NDRG3: variants seen among roughly 807,000 people sequenced by gnomAD.
NDRG3 encodes protein NDRG3.
A neutral mutation model predicts 57.2 loss-of-function variants in NDRG3; 23 were observed. The observed-to-expected ratio is 0.40, with a 90% confidence interval of 0.29 to 0.57. The LOEUF is 0.57. NDRG3 is among the 20% of genes least tolerant of loss of function. The pLI is 0.42. For missense variants in NDRG3, 384 were observed against 457.3 expected (o/e 0.84, Z 1.46); for synonymous variants, 132 against 162.6 (o/e 0.81, Z 1.43).
At chr20:36,695,923 G>A (rs908457786) in intron 3 of NDRG3, among the ~76,000 whole-genome samples, 36 of 152,038 alleles carry the variant, frequency 2.4e-4, no homozygotes, top group Non-Finnish European at 4.4e-5. Flanking sequence ...TACGGCTCAG[G>A]GGGCATCATG....
rs1175690733 is a variant in NDRG3 at position 36,746,051 on chromosome 20, C to T, written c.-55G>A. ...GGCGGAGGCGCTCACTCACCTGAGG[C>T]GCGGGCACCCGCCGTCAGTGCAGCA... On this transcript the variant is annotated 5_prime_UTR_variant, in exon 1 of 16. Coordinates refer to ENST00000349004, the MANE Select transcript of NDRG3 (RefSeq NM_032013.4). The T allele has an allele frequency of 1.5e-4, 51 of 340,958 alleles. No individual in the cohort carries two copies. In the East Asian group the frequency reaches 2.2e-3, roughly 15 times the overall value. The allele number at this position is 340,958 out of a possible 1,614,324, so 21.1% of individuals were successfully genotyped here.
At chr20:36,702,497 T>G (rs1289079207) in intron 3 of NDRG3, among the ~76,000 whole-genome samples, 1 of 152,082 alleles carries the variant, frequency 6.6e-6, no homozygotes, top group African/African-American at 2.4e-5. Context: ...GTATGAGGCC[T>G]GGGTATAGTT....
chr20:36,716,274 T>C (rs1397531421), intron 2 of NDRG3, among the ~76,000 whole-genome samples: 1 of 152,084 alleles, frequency 6.6e-6, no homozygotes, highest in Non-Finnish European at 1.5e-5. Context: ...GGCTCATGCC[T>C]GTAATCCCAG....
In NDRG3 at chr20:36,666,331, A is replaced by T; in HGVS notation, c.650T>A (p.Ile217Asn). 1 of 1,614,152 alleles carries T rather than the reference A, an allele frequency of 6.2e-7. No individual in the cohort carries two copies. Among genetic ancestry groups the T allele is most frequent in the South Asian group, 1.1e-5 (1 of 91,090 alleles). ...QTYRMHIAQDINQDNLQLFLN... is the reference protein window; with the variant it reads ...QTYRMHIAQDNNQDNLQLFLN... ...GAAGAGCTGCAGGTTGTCTTGGTTG[A>T]TGTCTTGGGCAATATGCATTCTGTA... Residue 217 changes from isoleucine to asparagine, a missense_variant, in exon 10 of 16, where the codon ATC (isoleucine) becomes AAC (asparagine). Ile to Asn is a moderately radical substitution (Grantham distance 149). Transcript: ENST00000349004.
In NDRG3 at chr20:36,687,702, C is replaced by T. The variant is rs548035774; in HGVS notation, c.200-90G>A. ...GTCAATGCCTATTATCACCTTCTTTCCCTGCTTTTTAACCACCATTCCACC... is the reference window on the plus strand; with the variant it reads ...GTCAATGCCTATTATCACCTTCTTTTCCTGCTTTTTAACCACCATTCCACC... On this transcript the variant is annotated intron_variant, in intron 4 of 15. Transcript: ENST00000349004. 21 of 1,439,290 alleles carry T rather than the reference C, an allele frequency of 1.5e-5. No homozygotes were observed. In the African/African-American group the frequency reaches 2.8e-4, roughly 19 times the overall value. 89.2% of individuals were successfully genotyped at this position (1,439,290 alleles called of 1,614,324 possible).
chr20:36,687,633 A>T, intron 4 of NDRG3, 21 bp from the exon 5 acceptor site: 1 of 1,609,586 alleles, frequency 6.2e-7, no homozygotes, highest in Non-Finnish European at 8.5e-7. Context: ...AAAAATACCC[A>T]TAAGTCACAG....
At chr20:36,660,577 T>C (rs2148029205) in intron 12 of NDRG3, among the ~76,000 whole-genome samples, 193 bp from the exon 13 acceptor site, 1 of 151,674 alleles carries the variant, frequency 6.6e-6, no homozygotes, top group East Asian at 1.9e-4. Context: ...TATTTTTTTT[T>C]TGAGACGGAG....
chr20:36,688,119 G>A (rs1198084727), intron 4 of NDRG3, among the ~76,000 whole-genome samples: 1 of 152,212 alleles, frequency 6.6e-6, no homozygotes, highest in Admixed American at 6.5e-5. Context: ...CTCATGCCAA[G>A]GCAGCTACAA....
chr20:36,695,915 C>T (rs753022714), intron 3 of NDRG3, among the ~76,000 whole-genome samples: 119 of 152,282 alleles, frequency 7.8e-4, no homozygotes, highest in African/African-American at 2.6e-3. Context: ...GCTGGTTTTA[C>T]GGCTCAGGGG....
At chr20:36,715,495 C>T (rs1157400325) in intron 2 of NDRG3, among the ~76,000 whole-genome samples, 1 of 151,146 alleles carries the variant, frequency 6.6e-6, no homozygotes, top group Non-Finnish European at 1.5e-5. Context: ...CTTCTTTTCT[C>T]TCTCTCCCCC....
In NDRG3 at chr20:36,671,407, T is replaced by TA. The variant is rs765093923; in HGVS notation, c.532-11dup. Reference sequence around the variant, plus strand: ...TTGTCAGGCCAGAGAGCTGAAAAGATAAAAACTCTGTGTTAAGAATGTAAG... The same window carrying TA: ...TTGTCAGGCCAGAGAGCTGAAAAGATAAAAAACTCTGTGTTAAGAATGTAAG... On this transcript the variant is annotated splice_polypyrimidine_tract_variant and intron_variant, in intron 8 of 15. Coordinates refer to ENST00000349004, the MANE Select transcript of NDRG3 (RefSeq NM_032013.4). 2.1e-5 allele frequency: 34 copies of TA among 1,612,368 alleles called. No individual in the cohort carries two copies. The East Asian group carries it at 6.7e-4, about 32-fold the overall frequency.
intron 1 of NDRG3, among the ~76,000 whole-genome samples, chr20:36,732,148 T>C (rs1318151599): frequency 2.0e-5 from 3 of 151,978 alleles, no homozygotes; most frequent in South Asian, 4.2e-4. Flanking sequence ...AATAGAAATA[T>C]AGAATCTAAC....
At position 36,682,500 on chromosome 20, in the gene NDRG3, A is replaced by T; in HGVS notation, c.444+18T>A. 2 of 1,604,850 alleles carry T rather than the reference A, an allele frequency of 1.2e-6. No individual in the cohort carries two copies. The highest frequency in any genetic ancestry group is 1.7e-6 in the Non-Finnish European group (2 of 1,171,862). On this transcript the variant is annotated intron_variant, in intron 7 of 15. Coordinates refer to ENST00000349004, the MANE Select transcript of NDRG3 (RefSeq NM_032013.4). ...GCACTGCCTCAAGGATGTTGAGGCT[A>T]ATCCTCTACATACTTACTGCAAATC...
chr20:36,739,423 G>A (rs1428963209), intron 1 of NDRG3, among the ~76,000 whole-genome samples: 2 of 150,622 alleles, frequency 1.3e-5, no homozygotes, highest in Non-Finnish European at 3.0e-5. Context: ...CTCCAGCTTG[G>A]GCAACGGAGT....
At chr20:36,660,624 G>A (rs980814474) in intron 12 of NDRG3, among the ~76,000 whole-genome samples, 4 of 151,168 alleles carry the variant, frequency 2.6e-5, no homozygotes, top group Non-Finnish European at 2.9e-5. Context: ...GCAGTGGCGC[G>A]ATCTCGGCTC....
intron 2 of NDRG3, among the ~76,000 whole-genome samples, chr20:36,712,242 T>C (rs753187975): frequency 6.6e-6 from 1 of 151,856 alleles, no homozygotes; most frequent in African/African-American, 2.4e-5. Context: ...ATGGGGATCA[T>C]TAGCTGGTCC....
chr20:36,652,066 A>G lies in NDRG3; in HGVS notation c.*1454T>C, dbSNP rs529253110. ...AAAACAACTTTACCTGGACAGGGCT[A>G]CCCCTACAGATTGGCCCTTTCTCTC... is the stretch of plus-strand genomic sequence containing the variant. On this transcript the variant is annotated 3_prime_UTR_variant, in exon 16 of 16. Transcript: ENST00000349004. 6.6e-6 allele frequency: 1 copy of G among 152,238 alleles called. No individual in the cohort carries two copies. The highest frequency in any genetic ancestry group is 2.4e-5 in the African/African-American group (1 of 41,534). The allele number at this position is 152,238 out of a possible 1,614,324, so 9.4% of individuals were successfully genotyped here.
At chr20:36,669,911 T>A (rs1420419422) in intron 9 of NDRG3, among the ~76,000 whole-genome samples, 1 of 152,158 alleles carries the variant, frequency 6.6e-6, no homozygotes, top group African/African-American at 2.4e-5. Context: ...TAATTTGTAG[T>A]ATATTAATAC....
chr20:36,684,023 G>A (rs2148107230), intron 6 of NDRG3, among the ~76,000 whole-genome samples: 1 of 152,276 alleles, frequency 6.6e-6, no homozygotes, highest in East Asian at 1.9e-4. Context: ...GATACAGGGT[G>A]TCTCACTGTT....
Sources: gnomAD v4.1 joint callset for allele counts (sites outside exome capture counted in the v4.1 genomes callset) on GRCh38, gnomAD v4.1.1 for gene constraint, MANE v1.5 for transcripts, NCBI Gene and HGNC (gene_info 2026-07-23, HGNC 2026-07-21) for gene names.